Variants in XKR9 observed in about 807,000 individuals in gnomAD.
The protein encoded by XKR9 is XK-related protein 9.
In XKR9, 32 loss-of-function variants were observed where a neutral mutation model predicts 32.0. The observed-to-expected ratio is 1.00, with a 90% CI of 0.76 to 1.34. XKR9 has a LOEUF of 1.34. XKR9 is among the 40% of genes most tolerant of loss of function. The pLI, the probability that XKR9 is intolerant of heterozygous loss-of-function variation, is 0.00. For missense variants in XKR9, 546 were observed against 429.7 expected (o/e 1.27, Z -2.39); for synonymous variants, 168 against 143.4 (o/e 1.17, Z -1.22).
At chr8:70,886,965 C>G in the XKR9 span, among the ~76,000 whole-genome samples, 24 of 152,228 alleles carry the variant, frequency 1.6e-4, no homozygotes, top group African/African-American at 5.1e-4. Flanking sequence ...TCGCTTATGC[C>G]TATGTTCTTT....
chr8:71,004,669 C>T, the XKR9 span, among the ~76,000 whole-genome samples: 8 of 152,112 alleles, frequency 5.3e-5, no homozygotes, highest in African/African-American at 4.8e-5. Context: ...CCACTTGAAC[C>T]GCACAAGTGG....
chr8:70,708,337 A>G (rs1382810048), intron 4 of XKR9, among the ~76,000 whole-genome samples: 1 of 152,122 alleles, frequency 6.6e-6, no homozygotes, highest in Non-Finnish European at 1.5e-5. Context: ...TGGACTACCT[A>G]TGAGATCCAG....
intron 2 of XKR9, among the ~76,000 whole-genome samples, chr8:70,758,740 T>C (rs1381365043): frequency 6.6e-6 from 1 of 152,234 alleles, no homozygotes; most frequent in Non-Finnish European, 1.5e-5. Flanking sequence ...TGATTTAAGA[T>C]TAGAGTAGTT....
chr8:70,983,926 A>G, the XKR9 span, among the ~76,000 whole-genome samples: 5 of 152,244 alleles, frequency 3.3e-5, no homozygotes, highest in African/African-American at 4.8e-5. Context: ...CCACATGGCT[A>G]TGGCCAGAAT....
chr8:70,891,275 T>G, the XKR9 span, among the ~76,000 whole-genome samples: 1 of 152,014 alleles, frequency 6.6e-6, no homozygotes, highest in Admixed American at 6.6e-5. Context: ...TTGTATTTTT[T>G]AGTCTCAATT....
chr8:70,995,515 A>G, the XKR9 span, among the ~76,000 whole-genome samples: 1 of 152,176 alleles, frequency 6.6e-6, no homozygotes, highest in Non-Finnish European at 1.5e-5. Context: ...CATGAACAAT[A>G]CACTTCCTTG....
chr8:70,852,023 C>A, the XKR9 span, among the ~76,000 whole-genome samples: 14 of 152,174 alleles, frequency 9.2e-5, no homozygotes, highest in Non-Finnish European at 1.9e-4. Context: ...AAAATTTTTG[C>A]AATCTGTCTA....
chr8:70,881,163 A>G, the XKR9 span, among the ~76,000 whole-genome samples: 1 of 151,982 alleles, frequency 6.6e-6, no homozygotes, highest in Non-Finnish European at 1.5e-5. Context: ...AACCACAAAA[A>G]CCCTTGAAGA....
At chr8:70,749,706 C>T (rs534139934) in intron 2 of XKR9, among the ~76,000 whole-genome samples, 1 of 152,072 alleles carries the variant, frequency 6.6e-6, no homozygotes, top group East Asian at 1.9e-4. Flanking sequence ...CTTGCCAGGC[C>T]GTTTGGGTGG....
chr8:70,924,585 C>T, the XKR9 span, among the ~76,000 whole-genome samples: 1 of 152,186 alleles, frequency 6.6e-6, no homozygotes, highest in African/African-American at 2.4e-5. Context: ...CTGTACCTCT[C>T]TGTCTGGATT....
intron 4 of XKR9, among the ~76,000 whole-genome samples, chr8:70,724,315 G>A (rs1220071449): frequency 6.6e-6 from 1 of 152,044 alleles, no homozygotes; most frequent in Admixed American, 6.5e-5. Flanking sequence ...TAGCTTGCTG[G>A]GCTCCCTGGG....
At chr8:70,801,325 T>C in the XKR9 span, among the ~76,000 whole-genome samples, 2 of 152,184 alleles carry the variant, frequency 1.3e-5, no homozygotes, top group African/African-American at 4.8e-5. Flanking sequence ...CTCCTAACAC[T>C]AACACTGCTT....
At chr8:70,867,697 C>T in the XKR9 span, among the ~76,000 whole-genome samples, 9 of 152,286 alleles carry the variant, frequency 5.9e-5, no homozygotes, top group East Asian at 1.5e-3. Flanking sequence ...GGTGATCCAC[C>T]CACCTTGGCC....
At chr8:70,782,356 A>G (rs1340833190) in intron 2 of XKR9, among the ~76,000 whole-genome samples, 1 of 152,184 alleles carries the variant, frequency 6.6e-6, no homozygotes, top group African/African-American at 2.4e-5. Flanking sequence ...TAAATAATTA[A>G]ATAGAGCTAG....
At chr8:70,820,469 A>C in the XKR9 span, among the ~76,000 whole-genome samples, 1 of 152,204 alleles carries the variant, frequency 6.6e-6, no homozygotes, top group African/African-American at 2.4e-5. Context: ...GATAGCAGGC[A>C]TGTTATACAA....
chr8:70,714,953 T>C (rs1452875272), intron 4 of XKR9, among the ~76,000 whole-genome samples: 1 of 152,088 alleles, frequency 6.6e-6, no homozygotes, highest in Non-Finnish European at 1.5e-5. Context: ...AAATTTAGTT[T>C]GAATAGAGTG....
the XKR9 span, among the ~76,000 whole-genome samples, chr8:70,826,617 C>A: frequency 6.6e-6 from 1 of 152,082 alleles, no homozygotes; most frequent in Non-Finnish European, 1.5e-5. Flanking sequence ...GGCTGGGTGA[C>A]TTTTCAGACT....
At chr8:70,892,227 G>T in the XKR9 span, among the ~76,000 whole-genome samples, 3 of 151,996 alleles carry the variant, frequency 2.0e-5, no homozygotes, top group Admixed American at 6.6e-5. Context: ...TCTTTTAATA[G>T]GGGAATTTAA....
At chr8:70,957,365 C>A in the XKR9 span, among the ~76,000 whole-genome samples, 1 of 151,898 alleles carries the variant, frequency 6.6e-6, no homozygotes, top group African/African-American at 2.4e-5. Flanking sequence ...GGCAGTTAAT[C>A]TTTTTTTTAA....
Sources: allele counts gnomAD v4.1 joint callset (sites outside exome capture counted in the v4.1 genomes callset), GRCh38; gene constraint gnomAD v4.1.1; transcripts MANE v1.5; gene names NCBI Gene and HGNC (gene_info 2026-07-23, HGNC 2026-07-21).